The following UNC13C variants were observed in gnomAD, a reference collection of about 807,000 sequenced individuals.
UNC13C encodes unc-13 homolog C.
Under a neutral mutation model 245.4 loss-of-function variants are expected in UNC13C, and 174 were observed. The observed-to-expected ratio is 0.71, with a 90% CI of 0.63 to 0.80. UNC13C has a LOEUF of 0.80. UNC13C is among the 30% of genes least tolerant of loss of function. The probability of loss-of-function intolerance (pLI) is 0.00; values close to 1 mark genes in which losing one functional copy is unlikely to be tolerated. For missense variants in UNC13C, 2,829 were observed against 2,602.9 expected, an observed-to-expected ratio of 1.09 and a Z score of -1.89; for synonymous variants, 992 against 895.1, an observed-to-expected ratio of 1.11 and a Z score of -1.93.
chr15:54,620,661 T>A (rs1331983059), intron 30 of UNC13C, among the ~76,000 whole-genome samples: 1 of 151,970 alleles, frequency 6.6e-6, no homozygotes, highest in African/African-American at 2.4e-5. Context: ...CGGTCCATAC[T>A]TCTAGTCCCA....
chr15:54,446,048 G>A (rs929715738), intron 19 of UNC13C, among the ~76,000 whole-genome samples: 3 of 152,144 alleles, frequency 2.0e-5, no homozygotes. Context: ...GTTGAATAGG[G>A]AATCCTTTCC....
chr15:54,073,501 G>C (rs1008168685), intron 2 of UNC13C, among the ~76,000 whole-genome samples: 3 of 152,188 alleles, frequency 2.0e-5, no homozygotes, highest in African/African-American at 7.2e-5. Flanking sequence ...CCCATCAACA[G>C]TGTAAAAGTG....
intron 4 of UNC13C, among the ~76,000 whole-genome samples, chr15:54,148,616 G>C (rs1389239084): frequency 6.6e-6 from 1 of 151,972 alleles, no homozygotes; most frequent in Non-Finnish European, 1.5e-5. Context: ...TACTCTCCAG[G>C]GGCTCTTCAC....
At chr15:54,235,148 G>A in intron 5 of UNC13C, 40 bp downstream of exon 5, 1 of 1,574,740 alleles carries the variant, frequency 6.4e-7, no homozygotes, top group Non-Finnish European at 8.7e-7. Context: ...TTGCATGTGT[G>A]GTTTTTTTCC....
Position 54,323,430 on chromosome 15 carries a change from G to C in UNC13C, c.4425+1335G>C, listed in dbSNP as rs188688078. Among the ~76,000 whole-genome samples, 43 of 152,090 alleles carry C rather than the reference G, an allele frequency of 2.8e-4. No individual in the cohort carries two copies. In the East Asian group the frequency reaches 7.8e-3, roughly 27 times the overall value. ...TGAAATTTAGCAAGTCAGTTTAGTC[G>C]TCTAAGCCTCAGTTCCTCAACATGC... is the stretch of plus-strand genomic sequence containing the variant. On this transcript the variant is annotated intron_variant, in intron 14 of 32. Transcript: ENST00000260323.
the UNC13C span, among the ~76,000 whole-genome samples, chr15:53,930,506 C>T: frequency 6.6e-6 from 1 of 152,114 alleles, no homozygotes; most frequent in Non-Finnish European, 1.5e-5. Context: ...GCTGCTTTGG[C>T]TCTTTCTAGG....
In UNC13C at chr15:54,604,928, C is replaced by T. The variant is rs188974905; in HGVS notation, c.6107-17399C>T. Reference sequence around the variant, plus strand: ...TACCTAATTAACAAATCTGCACTTCCGGCACATGTACCCTGCAACTTAAAA... The same window carrying T: ...TACCTAATTAACAAATCTGCACTTCTGGCACATGTACCCTGCAACTTAAAA... On this transcript the variant is annotated intron_variant, in intron 30 of 32. Transcript: ENST00000260323. 4.8e-5 allele frequency among the ~76,000 whole-genome samples: 7 copies of T among 145,658 alleles called. No homozygotes were observed. In the East Asian group the frequency reaches 8.2e-4, roughly 17 times the overall value.
At position 54,338,109 on chromosome 15, in the gene UNC13C, A is replaced by G. The variant is rs75893126; in HGVS notation, c.4585-252A>G. Among the ~76,000 whole-genome samples the G allele has an allele frequency of 3.2e-4, 49 of 152,298 alleles. No individual in the cohort carries two copies. The East Asian group carries it at 8.7e-3, about 27-fold the overall frequency. ...TTGTTGAATGATGGAATGGAATGAA[A>G]TCAATGCATGAAGTACTAACTGGTC... On this transcript the variant is annotated intron_variant, in intron 16 of 32. Transcript: ENST00000260323.
chr15:54,126,171 TA>T (rs2141204421), intron 2 of UNC13C, among the ~76,000 whole-genome samples: 1 of 152,208 alleles, frequency 6.6e-6, no homozygotes, highest in East Asian at 1.9e-4. Flanking sequence ...ATGCACCAAA[TA>T]AAAGTTACAG....
At chr15:54,122,417 T>C (rs1339696311) in intron 2 of UNC13C, among the ~76,000 whole-genome samples, 1 of 152,034 alleles carries the variant, frequency 6.6e-6, no homozygotes, top group Non-Finnish European at 1.5e-5. Flanking sequence ...TAATTTTAGG[T>C]TTCTTTTTTC....
At chr15:54,463,358 G>A (rs1891985551) in intron 19 of UNC13C, among the ~76,000 whole-genome samples, 1 of 143,842 alleles carries the variant, frequency 7.0e-6, no homozygotes, top group African/African-American at 2.6e-5. Context: ...TCCACACTGT[G>A]GAAGCTTTGT....
intron 15 of UNC13C, 32 bp downstream of exon 15, chr15:54,332,143 C>G (rs1361394658): frequency 7.0e-7 from 1 of 1,433,722 alleles, no homozygotes; most frequent in Non-Finnish European, 9.4e-7. Flanking sequence ...TAAAAGAAAA[C>G]TGTTGTTTGG....
the UNC13C span, chr15:53,972,836 A>G: frequency 6.6e-6 from 1 of 152,334 alleles, no homozygotes; most frequent in Admixed American, 6.5e-5. Flanking sequence ...GAAAAACCCA[A>G]TGATCATTTA....
chr15:54,230,691 T>C (rs868035269), intron 4 of UNC13C, among the ~76,000 whole-genome samples: 12 of 151,968 alleles, frequency 7.9e-5, no homozygotes, highest in Middle Eastern at 3.2e-3. Flanking sequence ...TGGAAAGAAC[T>C]GAGAAACAAA....
chr15:54,515,782 GC>G, intron 24 of UNC13C, among the ~76,000 whole-genome samples: 1 of 152,244 alleles, frequency 6.6e-6, no homozygotes, highest in South Asian at 2.1e-4. Context: ...CGTTTGTTCA[GC>G]TAAATTATTT....
chr15:54,048,515 A>G, intron 2 of UNC13C: 1 of 573,626 alleles, frequency 1.7e-6, no homozygotes, highest in Non-Finnish European at 3.4e-6. Context: ...ACTAAACCTT[A>G]GTATGTGGGC....
the UNC13C span, among the ~76,000 whole-genome samples, chr15:53,927,759 C>T: frequency 0.15 from 23,427 of 152,164 alleles, 2,159 homozygotes; most frequent in Middle Eastern, 0.23. Flanking sequence ...TGGATCCCTA[C>T]TGGCTTGATC....
In UNC13C at chr15:54,495,039, T is replaced by G. The variant is rs181206558; in HGVS notation, c.5060+305T>G. 2.0e-4 allele frequency among the ~76,000 whole-genome samples: 31 copies of G among 152,138 alleles called. No individual in the cohort carries two copies. In the South Asian group the frequency reaches 4.1e-3, roughly 20 times the overall value. ...AAAAATACCAGAACACAGATTTTTT[T>G]GGGGAAAGTATGGTGCTTGTATATT... On this transcript the variant is annotated intron_variant, in intron 20 of 32. Transcript: ENST00000260323.
At chr15:54,396,214 A>G (rs776572051) in intron 18 of UNC13C, among the ~76,000 whole-genome samples, 4 of 151,754 alleles carry the variant, frequency 2.6e-5, no homozygotes, top group Non-Finnish European at 4.4e-5. Context: ...TAATGAAGAT[A>G]TCCATTACCC....
Sources: gnomAD v4.1 joint callset for allele counts (sites outside exome capture counted in the v4.1 genomes callset) on GRCh38, gnomAD v4.1.1 for gene constraint, MANE v1.5 for transcripts, NCBI Gene and HGNC (gene_info 2026-07-23, HGNC 2026-07-21) for gene names.